The following CSTPP1 variants were observed in gnomAD, a reference collection of about 807,000 sequenced individuals.
CSTPP1 encodes centriolar satellite-associated tubulin polyglutamylase complex regulator 1, also known as UPF0705 protein C11orf49.
At chr11:47,037,110 T>C in the CSTPP1 span, among the ~76,000 whole-genome samples, 2 of 127,360 alleles carry the variant, frequency 1.6e-5, no homozygotes, top group African/African-American at 5.0e-5. Context: ...GAGAATTATG[T>C]AGATGTGTCA....
the CSTPP1 span, among the ~76,000 whole-genome samples, chr11:47,032,089 G>A: frequency 4.1e-4 from 62 of 152,092 alleles, no homozygotes; most frequent in African/African-American, 1.4e-3. Flanking sequence ...CCAGCCCACC[G>A]ACTCAAAGTT....
chr11:47,054,030 C>T, the CSTPP1 span, among the ~76,000 whole-genome samples: 1 of 151,118 alleles, frequency 6.6e-6, no homozygotes, highest in Admixed American at 6.6e-5. Context: ...CCTGTTGCAG[C>T]CGGGCACGGT....
chr11:47,056,962 CATA>C, the CSTPP1 span, among the ~76,000 whole-genome samples: 1 of 152,242 alleles, frequency 6.6e-6, no homozygotes, highest in East Asian at 1.9e-4. Context: ...AAAACAAGAG[CATA>C]ACATATCTAA....
chr11:47,134,739 G>A, the CSTPP1 span, among the ~76,000 whole-genome samples: 1 of 152,154 alleles, frequency 6.6e-6, no homozygotes, highest in African/African-American at 2.4e-5. Flanking sequence ...CATGGGAATA[G>A]GAAGTGAGTG....
At chr11:47,002,982 T>A in the CSTPP1 span, among the ~76,000 whole-genome samples, 6,310 of 152,242 alleles carry the variant, frequency 0.041, 172 homozygotes, top group Non-Finnish European at 0.064. Flanking sequence ...TTAACAAGTG[T>A]TATGCCATTA....
the CSTPP1 span, among the ~76,000 whole-genome samples, chr11:46,997,384 G>A: frequency 6.6e-6 from 1 of 152,090 alleles, no homozygotes; most frequent in African/African-American, 2.4e-5. Flanking sequence ...CATAGTTCTT[G>A]TGCCATGGTT....
At chr11:46,966,294 G>T in the CSTPP1 span, among the ~76,000 whole-genome samples, 3 of 152,244 alleles carry the variant, frequency 2.0e-5, no homozygotes, top group Admixed American at 2.0e-4. Flanking sequence ...GCCTGCCTCG[G>T]CCTCCCAAAG....
At chr11:47,090,012 G>A in the CSTPP1 span, among the ~76,000 whole-genome samples, 10 of 152,000 alleles carry the variant, frequency 6.6e-5, no homozygotes, top group Admixed American at 3.3e-4. Context: ...ACGGAGTTTC[G>A]CTTTTGTTGC....
At chr11:47,025,581 A>C in the CSTPP1 span, among the ~76,000 whole-genome samples, 14 of 152,334 alleles carry the variant, frequency 9.2e-5, no homozygotes, top group South Asian at 2.7e-3. Context: ...CTTTGAACCA[A>C]CAGAGTTGAT....
chr11:47,060,258 C>CTTTTTTTTTTTTTT, the CSTPP1 span, among the ~76,000 whole-genome samples: 3 of 99,014 alleles, frequency 3.0e-5, no homozygotes, highest in African/African-American at 8.1e-5. Context: ...CTTTTCTTTT[C>CTTTTTTTTTTTTTT]TTTTTTTTTT....
the CSTPP1 span, among the ~76,000 whole-genome samples, chr11:47,013,746 G>A: frequency 6.6e-6 from 1 of 152,166 alleles, no homozygotes; most frequent in African/African-American, 2.4e-5. Context: ...TCCTTTGGGT[G>A]TATACCCGGT....
chr11:47,161,342 C>T, the CSTPP1 span: 2 of 1,583,890 alleles, frequency 1.3e-6, no homozygotes, highest in Non-Finnish European at 1.7e-6. Context: ...AGGTGTCCCT[C>T]CCTCTGAGTC....
chr11:47,099,560 G>C, the CSTPP1 span, among the ~76,000 whole-genome samples: 1 of 152,226 alleles, frequency 6.6e-6, no homozygotes, highest in African/African-American at 2.4e-5. Context: ...ATGCAGAGGA[G>C]ACGTCTTTCT....
the CSTPP1 span, among the ~76,000 whole-genome samples, chr11:46,984,522 A>G: frequency 6.6e-6 from 1 of 152,180 alleles, no homozygotes; most frequent in Non-Finnish European, 1.5e-5. Flanking sequence ...TGCATGGTCC[A>G]ATATATTTCT....
At chr11:46,993,917 T>C in the CSTPP1 span, among the ~76,000 whole-genome samples, 52 of 152,226 alleles carry the variant, frequency 3.4e-4, no homozygotes, top group African/African-American at 1.3e-3. Context: ...GAGCATGGAA[T>C]GTTCTTCCTT....
At chr11:47,060,988 A>G in the CSTPP1 span, among the ~76,000 whole-genome samples, 1 of 152,294 alleles carries the variant, frequency 6.6e-6, no homozygotes, top group Admixed American at 6.5e-5. Context: ...GTTTGACAGG[A>G]TTTGCTGATT....
the CSTPP1 span, among the ~76,000 whole-genome samples, chr11:47,001,240 A>G: frequency 6.6e-6 from 1 of 152,202 alleles, no homozygotes; most frequent in Non-Finnish European, 1.5e-5. Flanking sequence ...GGACCCCCTC[A>G]TGGGTAACTG....
At chr11:47,038,842 A>G in the CSTPP1 span, among the ~76,000 whole-genome samples, 5 of 116,852 alleles carry the variant, frequency 4.3e-5, no homozygotes, top group African/African-American at 1.3e-4. Flanking sequence ...GTTGCCAGGC[A>G]GAGGGTCTCC....
the CSTPP1 span, among the ~76,000 whole-genome samples, chr11:47,123,687 C>T: frequency 1.3e-5 from 2 of 152,178 alleles, no homozygotes; most frequent in Non-Finnish European, 2.9e-5. Context: ...TCCCACTCTG[C>T]TAGCAAGTTA....
Sources: allele counts gnomAD v4.1 joint callset (sites outside exome capture counted in the v4.1 genomes callset), GRCh38; gene constraint gnomAD v4.1.1; transcripts MANE v1.5; gene names NCBI Gene and HGNC (gene_info 2026-07-23, HGNC 2026-07-21).